Variants in XPO5 observed in about 807,000 individuals in gnomAD.
The protein encoded by XPO5 is exportin-5.
Under a neutral mutation model 160.6 loss-of-function variants are expected in XPO5, and 46 were observed. That is an observed-to-expected ratio of 0.29 (90% CI 0.23 to 0.37). The LOEUF (loss-of-function observed/expected upper bound fraction) is 0.37, where lower values mean the gene tolerates loss of function less well. XPO5 is among the 10% of genes least tolerant of loss of function. The pLI, the probability that XPO5 is intolerant of heterozygous loss-of-function variation, is 1.00. For missense variants in XPO5, 1,090 were observed against 1,463.9 expected, an observed-to-expected ratio of 0.74 and a Z score of 4.17; for synonymous variants, 537 against 519.3, an observed-to-expected ratio of 1.03 and a Z score of -0.46.
In XPO5 at chr6:43,525,933, GAGT is replaced by G; in HGVS notation, c.2984-15_2984-13del. 1 of 1,613,676 alleles carries G rather than the reference GAGT, an allele frequency of 6.2e-7. No individual in the cohort carries two copies. Among genetic ancestry groups the G allele is most frequent in the South Asian group, 1.1e-5 (1 of 91,024 alleles). Reference sequence around the variant, plus strand: ...CATCATTTCTTCATCTGTTATCAGAGAGTAGAATGTTAAGCTCCATCCTTTCAG... The same window carrying G: ...CATCATTTCTTCATCTGTTATCAGAGAGAATGTTAAGCTCCATCCTTTCAG... On this transcript the variant is annotated splice_polypyrimidine_tract_variant and intron_variant, in intron 27 of 31. Coordinates refer to ENST00000265351, the MANE Select transcript of XPO5 (RefSeq NM_020750.3).
intron 20 of XPO5, among the ~76,000 whole-genome samples, chr6:43,542,079 G>T: frequency 6.6e-6 from 1 of 152,098 alleles, no homozygotes; most frequent in Non-Finnish European, 1.5e-5. Context: ...CACCGCACCC[G>T]GCCGATTTTA....
intron 25 of XPO5, among the ~76,000 whole-genome samples, 195 bp downstream of exon 25, chr6:43,527,964 C>T (rs1793705508): frequency 6.6e-6 from 1 of 152,176 alleles, no homozygotes; most frequent in African/African-American, 2.4e-5. Context: ...ACAGTAGCCC[C>T]TATGAAGGCT....
chr6:43,530,793 T>C lies in XPO5; in HGVS notation c.2572A>G (p.Met858Val). Residue 858 changes from methionine to valine, a missense_variant, in exon 23 of 32, where the codon ATG becomes GTG. Around this residue, in one of 3 missense-constraint regions of XPO5, gnomAD observed 810 missense variants for 1,139.0 expected, o/e 0.71. Transcript: ENST00000265351. Reference sequence around the variant, plus strand: ...TCCACAGTATAGAAGTCTTGCTGCATGGAAGGGCCTGCCTTCCCTAGGATA... The same window carrying C: ...TCCACAGTATAGAAGTCTTGCTGCACGGAAGGGCCTGCCTTCCCTAGGATA... ...FHILGKAGPS[M>V]QQDFYTVEDL... 1 of 1,613,410 alleles carries C rather than the reference T, an allele frequency of 6.2e-7. No individual in the cohort carries two copies.
At chr6:43,531,202 CT>C (rs1793953634) in intron 22 of XPO5, among the ~76,000 whole-genome samples, 1 of 151,940 alleles carries the variant, frequency 6.6e-6, no homozygotes, top group African/African-American at 2.4e-5. Context: ...ATCCCCACCA[CT>C]TTTAGCTTCG....
intron 2 of XPO5, among the ~76,000 whole-genome samples, chr6:43,572,873 T>C (rs1159692089): frequency 1.3e-5 from 2 of 152,210 alleles, no homozygotes; most frequent in African/African-American, 4.8e-5. Flanking sequence ...CAAAAGTGAA[T>C]ATACATCTAG....
At chr6:43,539,606 A>G (rs895462574) in intron 20 of XPO5, 8 of 1,383,596 alleles carry the variant, frequency 5.8e-6, no homozygotes, top group Non-Finnish European at 8.0e-6. Context: ...CCGGCCCCGG[A>G]TGCCACTGGC....
At chr6:43,549,854 CAAG>C in intron 16 of XPO5, 36 bp downstream of exon 16, 1 of 1,577,656 alleles carries the variant, frequency 6.3e-7, no homozygotes, top group Non-Finnish European at 8.7e-7. Context: ...CATTTGTACT[CAAG>C]AAGTTAGAAT....
chr6:43,568,186 T>C (rs986132090), intron 6 of XPO5, among the ~76,000 whole-genome samples: 2 of 151,904 alleles, frequency 1.3e-5, no homozygotes, highest in Non-Finnish European at 1.5e-5. Flanking sequence ...CGGGCACCTG[T>C]AGTCCCAGCT....
chr6:43,529,290 C>T (rs1417094158), intron 23 of XPO5: 6 of 1,268,840 alleles, frequency 4.7e-6, no homozygotes, highest in Non-Finnish European at 6.4e-6. Context: ...CACCTGTAAT[C>T]CCAGCACTTT....
Position 43,548,242 on chromosome 6 carries a change from G to A in XPO5, c.2060+19C>T. The A allele has an allele frequency of 6.3e-7, 1 of 1,578,282 alleles. No individual in the cohort carries two copies. Reference sequence around the variant, plus strand: ...GGTGCTTGAGTATAGTAAGAGTCAGGGCAAGGGATCTCCTTTACCTGTGCA... The same window carrying A: ...GGTGCTTGAGTATAGTAAGAGTCAGAGCAAGGGATCTCCTTTACCTGTGCA... On this transcript the variant is annotated intron_variant, in intron 18 of 31. Coordinates refer to ENST00000265351, the MANE Select transcript of XPO5 (RefSeq NM_020750.3).
intron 20 of XPO5, among the ~76,000 whole-genome samples, chr6:43,537,835 G>C: frequency 6.6e-6 from 1 of 152,098 alleles, no homozygotes; most frequent in East Asian, 1.9e-4. Context: ...GGGAGGCTGA[G>C]GCAGGTGGAT....
chr6:43,556,426 G>A (rs1762091589), intron 12 of XPO5, among the ~76,000 whole-genome samples: 1 of 151,568 alleles, frequency 6.6e-6, no homozygotes, highest in Non-Finnish European at 1.5e-5. Flanking sequence ...TTGGGAGAGT[G>A]AGGTAGGAGG....
At position 43,525,896 on chromosome 6, in the gene XPO5, G is replaced by C. The variant is rs747237874; in HGVS notation, c.3009C>G (p.Val1003=). The change falls in exon 28 of 32, where the codon GTC becomes GTG. Residue 1003 remains valine (V), a synonymous_variant. Coordinates refer to ENST00000265351, the MANE Select transcript of XPO5 (RefSeq NM_020750.3). The part of the protein sequence containing the change: ...GDDEEMMATE[V]TPSAMAELTD... ...TAAGCTCTGCCATAGCTGAGGGGGT[G>C]ACCTCTGTGGCCATCATTTCTTCAT... 1.1e-5 allele frequency: 18 copies of C among 1,613,910 alleles called. No homozygotes were observed. The highest frequency in any genetic ancestry group is 1.1e-5 in the Non-Finnish European group (13 of 1,179,900).
intron 28 of XPO5, 61 bp from the exon 29 acceptor site, chr6:43,525,275 A>G: frequency 6.9e-7 from 1 of 1,459,670 alleles, no homozygotes; most frequent in Non-Finnish European, 9.3e-7. Flanking sequence ...TCTGATGATT[A>G]TTACACATCA....
chr6:43,528,719 T>C (rs1290543227), intron 24 of XPO5, 109 bp downstream of exon 24: 1 of 1,050,790 alleles, frequency 9.5e-7, no homozygotes, highest in Non-Finnish European at 1.4e-6. Flanking sequence ...CCAGCCAGTC[T>C]GGCAGGGCTA....
intron 26 of XPO5, chr6:43,526,951 T>C (rs1793635863): frequency 3.6e-6 from 2 of 560,896 alleles, no homozygotes; most frequent in Non-Finnish European, 6.5e-6. Context: ...CAAGTTCAAC[T>C]AGCTGAGAGA....
At chr6:43,567,687 G>A in intron 6 of XPO5, among the ~76,000 whole-genome samples, 1 of 151,696 alleles carries the variant, frequency 6.6e-6, no homozygotes, top group Non-Finnish European at 1.5e-5. Context: ...GAGCCCAGGA[G>A]TTAAAACAAC....
At position 43,548,301 on chromosome 6, in the gene XPO5, C is replaced by T. The variant is rs1316097992; in HGVS notation, c.2020G>A (p.Ala674Thr). The T allele has an allele frequency of 1.2e-6, 2 of 1,612,606 alleles. No individual in the cohort carries two copies. Among genetic ancestry groups the T allele is most frequent in the Non-Finnish European group, 1.7e-6 (2 of 1,179,166 alleles). ...RQKVFLEELM[A>T]PVASIWLSQD... ...GAAAGCCAGATGCTGGCCACTGGTG[C>T]CATCAGCTCCTCTAGGAACACCTTC... The change falls in exon 18 of 32, where the codon GCA (alanine) becomes ACA (threonine). Residue 674 changes from alanine to threonine, a missense_variant. Coordinates refer to ENST00000265351, the MANE Select transcript of XPO5 (RefSeq NM_020750.3).
chr6:43,530,960 C>T (rs1793936739), intron 22 of XPO5, 136 bp from the exon 23 acceptor site: 10 of 1,121,686 alleles, frequency 8.9e-6, no homozygotes, highest in South Asian at 1.7e-5. Context: ...CTTAAGAGAA[C>T]TTATAGATAC....
Sources: allele counts gnomAD v4.1 joint callset (sites outside exome capture counted in the v4.1 genomes callset), GRCh38; gene constraint gnomAD v4.1.1; regional missense constraint gnomAD v4.1.1; transcripts MANE v1.5; gene names NCBI Gene and HGNC (gene_info 2026-07-23, HGNC 2026-07-21).